Variants in FOXP2 observed in about 807,000 individuals in gnomAD.
FOXP2 encodes forkhead box protein P2.
FOXP2 carries 12 observed loss-of-function variants against 115.8 expected under a neutral mutation model. The observed-to-expected ratio is 0.10, with a 90% CI of 0.07 to 0.17. FOXP2 has a LOEUF of 0.17. FOXP2 is among the 10% of genes least tolerant of loss of function. The pLI, the probability that FOXP2 is intolerant of heterozygous loss-of-function variation, is 1.00. For missense variants in FOXP2, 629 were observed against 843.5 expected (o/e 0.75, Z 3.15); for synonymous variants, 328 against 297.7 (o/e 1.10, Z -1.05).
At position 114,238,245 on chromosome 7, in the gene FOXP2, C is replaced by G. The variant is rs563085978; in HGVS notation, c.-101-49774C>G. Among the ~76,000 whole-genome samples, 41 of 150,306 alleles carry G rather than the reference C, an allele frequency of 2.7e-4. 1 individual carries two copies. Among genetic ancestry groups the G allele is most frequent in the Admixed American group, 8.1e-4 (12 of 14,724 alleles). On this transcript the variant is annotated intron_variant, in intron 1 of 17. Transcript: ENST00000634411. ...TCCCAAGACAGAACTTGACCTATAT[C>G]TACCATCTGCTAAGATTTTAACACT...
rs573675159 is a variant in FOXP2, at chr7:114,436,742, C to T, written c.168+10063C>T. Among the ~76,000 whole-genome samples, 81 of 151,784 alleles carry T rather than the reference C, an allele frequency of 5.3e-4. No individual in the cohort carries two copies. The South Asian group carries it at 7.3e-3, about 14-fold the overall frequency. Reference sequence around the variant, plus strand: ...ACAGATGCTTCAAAGGATATATAAACGTTACTTTGAGAGATACAACAGAGG... The same window carrying T: ...ACAGATGCTTCAAAGGATATATAAATGTTACTTTGAGAGATACAACAGAGG... On this transcript the variant is annotated intron_variant, in intron 2 of 16. Coordinates refer to ENST00000350908, the MANE Select transcript of FOXP2 (RefSeq NM_014491.4).
At chr7:114,584,958 T>C (rs1802058995) in intron 3 of FOXP2, among the ~76,000 whole-genome samples, 1 of 152,200 alleles carries the variant, frequency 6.6e-6, no homozygotes, top group African/African-American at 2.4e-5. Context: ...TAAAAAGCAA[T>C]CTCTTTTTTA....
chr7:114,692,268 G>A lies in FOXP2; in HGVS notation c.*2342G>A, dbSNP rs1808708350. The A allele has an allele frequency of 2.2e-6, 1 of 453,830 alleles. No homozygotes were observed. Among genetic ancestry groups the A allele is most frequent in the South Asian group, 1.6e-5 (1 of 64,480 alleles). 28.1% of individuals were successfully genotyped at this position (453,830 alleles called of 1,614,324 possible). A position where few individuals can be genotyped will look rare whatever the true frequency, so the allele number is the denominator to read the frequency against. On this transcript the variant is annotated 3_prime_UTR_variant, in exon 17 of 17. Transcript: ENST00000350908. The stretch of plus-strand genomic sequence containing the variant: ...ACAATGCTAAAGTATGCATACCTCA[G>A]TTAGAAAACTTTTGAAAGGAAGTCT...
chr7:114,644,878 G>A lies in FOXP2; in HGVS notation c.1094+89G>A, dbSNP rs1291734611. ...TTGTAAATAAACAAAAGATGAAGGAGGAATGTAAAAGTCCATTATAAGTCA... is the reference window on the plus strand; with the variant it reads ...TTGTAAATAAACAAAAGATGAAGGAAGAATGTAAAAGTCCATTATAAGTCA... On this transcript the variant is annotated intron_variant, in intron 8 of 16. Coordinates refer to ENST00000350908, the MANE Select transcript of FOXP2 (RefSeq NM_014491.4). 18 of 1,054,540 alleles carry A rather than the reference G, an allele frequency of 1.7e-5. No homozygotes were observed. In the East Asian group the frequency reaches 4.6e-4, roughly 27 times the overall value. The allele number at this position is 1,054,540 out of a possible 1,614,324, so 65.3% of individuals were successfully genotyped here. A position where few individuals can be genotyped will look rare whatever the true frequency, so the allele number is the denominator to read the frequency against.
chr7:114,333,891 TAAA>T (rs200699753), intron 2 of FOXP2, among the ~76,000 whole-genome samples: 3 of 139,524 alleles, frequency 2.2e-5, no homozygotes, highest in Admixed American at 1.4e-4. Flanking sequence ...CCATCTCAAT[TAAA>T]AAAAAAAAAA....
intron 1 of FOXP2, among the ~76,000 whole-genome samples, chr7:114,137,643 AT>A (rs11302269): frequency 0.14 from 21,653 of 152,036 alleles, 2,004 homozygotes; most frequent in East Asian, 0.39. Flanking sequence ...AGAAGTTTTC[AT>A]TAAAAAAAAT....
intron 1 of FOXP2, among the ~76,000 whole-genome samples, chr7:114,287,342 G>A (rs374039005): frequency 6.6e-6 from 1 of 151,896 alleles, no homozygotes; most frequent in African/African-American, 2.4e-5. Flanking sequence ...TCCTGGCCAC[G>A]AGTTGGACAA....
At chr7:114,328,201 G>A (rs1797606677) in intron 2 of FOXP2, among the ~76,000 whole-genome samples, 1 of 150,426 alleles carries the variant, frequency 6.6e-6, no homozygotes, top group Non-Finnish European at 1.5e-5. Flanking sequence ...TTACAGGTGT[G>A]AGCCAGTGCT....
Position 114,644,800 on chromosome 7 carries a change from T to G in FOXP2, c.1094+11T>G. 1 of 1,606,772 alleles carries G rather than the reference T, an allele frequency of 6.2e-7. No individual in the cohort carries two copies. The highest frequency in any genetic ancestry group is 8.5e-7 in the Non-Finnish European group (1 of 1,174,994). The stretch of plus-strand genomic sequence containing the variant: ...TGGACAGTTTTTAAAGTAGGTTTTT[T>G]ACTTTTTTTTGGTGGGGGGCGGGGG... On this transcript the variant is annotated intron_variant, in intron 8 of 16. Transcript: ENST00000350908.
At chr7:114,380,239 G>C (rs1219128451) in intron 2 of FOXP2, among the ~76,000 whole-genome samples, 1 of 152,150 alleles carries the variant, frequency 6.6e-6, no homozygotes, top group Non-Finnish European at 1.5e-5. Context: ...TCAGAAGTTA[G>C]GAATTCCCTT....
At chr7:114,633,099 T>G (rs1485272565) in intron 6 of FOXP2, among the ~76,000 whole-genome samples, 4 of 152,090 alleles carry the variant, frequency 2.6e-5, no homozygotes, top group African/African-American at 4.8e-5. Flanking sequence ...GATATAATTA[T>G]ATGAGAATTT....
At chr7:114,619,330 C>T (rs1224084845) in intron 3 of FOXP2, among the ~76,000 whole-genome samples, 8 of 151,998 alleles carry the variant, frequency 5.3e-5, no homozygotes, top group East Asian at 3.8e-4. Context: ...ATTTTCAATC[C>T]GTAAGTCCAG....
Position 114,587,696 on chromosome 7 carries a change from C to A in FOXP2, c.259-40844C>A, listed in dbSNP as rs1157817841. ...TAATTCATTTTAGGTTATTCCAATT[C>A]ATATTGTCAGTATTTTCAAAAATAT... On this transcript the variant is annotated intron_variant, in intron 3 of 16. Transcript: ENST00000350908. Among the ~76,000 whole-genome samples the A allele has an allele frequency of 4.0e-5, 6 of 151,224 alleles. No individual in the cohort carries two copies. The Admixed American group carries it at 4.0e-4, about 10-fold the overall frequency.
chr7:114,165,763 C>G lies in FOXP2; in HGVS notation c.-102+2675C>G, dbSNP rs1454709370. On this transcript the variant is annotated intron_variant, in intron 1 of 17. Transcript: ENST00000634411. ...AAGTTATTTTGTGGGTATTGACAAA[C>G]TAATTCATGAGTTTATTTGGAAAGG... Among the ~76,000 whole-genome samples the G allele has an allele frequency of 4.6e-5, 7 of 152,116 alleles. No homozygotes were observed. In the East Asian group the frequency reaches 1.2e-3, roughly 25 times the overall value.
chr7:114,443,867 G>A (rs1011093159), intron 2 of FOXP2, among the ~76,000 whole-genome samples: 3 of 152,076 alleles, frequency 2.0e-5, no homozygotes, highest in Non-Finnish European at 4.4e-5. Flanking sequence ...ATTCTGAATG[G>A]TGCTGAGATG....
chr7:114,218,109 C>T (rs983458364), intron 1 of FOXP2, among the ~76,000 whole-genome samples: 2 of 152,062 alleles, frequency 1.3e-5, no homozygotes, highest in African/African-American at 4.8e-5. Context: ...AGGACTCTGT[C>T]CCCCATACCT....
chr7:114,495,678 T>A (rs996725131), intron 2 of FOXP2, among the ~76,000 whole-genome samples: 5 of 151,858 alleles, frequency 3.3e-5, no homozygotes, highest in Admixed American at 6.6e-5. Context: ...GCTATTTTTT[T>A]AAATTTTTAG....
chr7:114,091,962 A>G (rs1165484930), intron 1 of FOXP2, among the ~76,000 whole-genome samples: 1 of 151,992 alleles, frequency 6.6e-6, no homozygotes, highest in African/African-American at 2.4e-5. Context: ...TCTGCCAAGT[A>G]TATCTAGAAC....
chr7:114,615,190 A>G (rs1401704613), intron 3 of FOXP2, among the ~76,000 whole-genome samples: 1 of 152,140 alleles, frequency 6.6e-6, no homozygotes, highest in African/African-American at 2.4e-5. Flanking sequence ...CTGCACTCAA[A>G]CTTAAGCAAC....
Sources: gnomAD v4.1 joint callset for allele counts (sites outside exome capture counted in the v4.1 genomes callset) on GRCh38, gnomAD v4.1.1 for gene constraint, MANE v1.5 for transcripts, NCBI Gene and HGNC (gene_info 2026-07-23, HGNC 2026-07-21) for gene names.